The following FRAS1 variants were observed in gnomAD, a reference collection of about 807,000 sequenced individuals.
FRAS1 encodes the protein extracellular matrix organizing protein FRAS1.
A neutral mutation model predicts 435.2 loss-of-function variants in FRAS1; 290 were observed. The ratio of observed to expected loss-of-function variants is 0.67; its 90% CI spans 0.61 to 0.73. The LOEUF (loss-of-function observed/expected upper bound fraction) is 0.73, where lower values mean the gene tolerates loss of function less well. Among genes scored for constraint, FRAS1 ranks in the 30% least tolerant of loss-of-function variants. FRAS1 has a pLI of 0.00. For missense variants in FRAS1, 4,860 were observed against 5,001.5 expected (o/e 0.97, Z 0.85); for synonymous variants, 1,800 against 1,851.0 (o/e 0.97, Z 0.71).
At chr4:78,111,752 TAA>T (rs564909222) in intron 2 of FRAS1, among the ~76,000 whole-genome samples, 6,326 of 104,958 alleles carry the variant, frequency 0.06, 132 homozygotes, top group South Asian at 0.12. Context: ...TAGAGTATAA[TAA>T]AAAAAAAAAA....
intron 64 of FRAS1, among the ~76,000 whole-genome samples, chr4:78,512,613 G>A (rs1316559772): frequency 6.6e-6 from 1 of 152,204 alleles, no homozygotes; most frequent in Non-Finnish European, 1.5e-5. Context: ...GTGCCCTGGA[G>A]AAACAAAAGA....
chr4:78,075,865 A>C (rs148047031), intron 2 of FRAS1, among the ~76,000 whole-genome samples: 1 of 152,206 alleles, frequency 6.6e-6, no homozygotes, highest in Non-Finnish European at 1.5e-5. Context: ...AAGTAAACGC[A>C]TAAGTGGCAA....
intron 45 of FRAS1, among the ~76,000 whole-genome samples, chr4:78,451,483 G>A (rs577281627): frequency 6.6e-6 from 1 of 152,106 alleles, no homozygotes; most frequent in Non-Finnish European, 1.5e-5. Context: ...TTTTCATGAG[G>A]TGTCCTTAGA....
chr4:78,117,348 CTCTATATTTCCTACA>C (rs1457543993), intron 2 of FRAS1, among the ~76,000 whole-genome samples: 1 of 152,100 alleles, frequency 6.6e-6, no homozygotes, highest in Non-Finnish European at 1.5e-5. Context: ...TTGTGGCGTT[CTCTATATTTCCTACA>C]TTTGAATGTT....
At chr4:78,516,067 C>A in intron 66 of FRAS1, 54 bp downstream of exon 66, 2 of 1,399,420 alleles carry the variant, frequency 1.4e-6, no homozygotes, top group South Asian at 1.3e-5. Flanking sequence ...CATGGTCAAC[C>A]TTGTTTGTTC....
chr4:78,399,970 A>G (rs548304342), intron 29 of FRAS1, among the ~76,000 whole-genome samples: 4 of 152,224 alleles, frequency 2.6e-5, no homozygotes, highest in South Asian at 4.2e-4. Flanking sequence ...CATAGCTTCT[A>G]TCTTCTACTA....
intron 45 of FRAS1, 114 bp from the exon 46 acceptor site, chr4:78,451,658 G>C: frequency 1.4e-6 from 1 of 728,774 alleles, no homozygotes; most frequent in Non-Finnish European, 2.1e-6. Context: ...GTCAAAGCGA[G>C]GAAGGTGTGA....
chr4:78,095,934 C>T (rs916945796), intron 2 of FRAS1, among the ~76,000 whole-genome samples: 1 of 152,194 alleles, frequency 6.6e-6, no homozygotes, highest in Non-Finnish European at 1.5e-5. Flanking sequence ...TCTCAACAGT[C>T]CCCCAGAGTC....
chr4:78,129,249 G>T (rs1178250012), intron 2 of FRAS1, among the ~76,000 whole-genome samples: 2 of 152,214 alleles, frequency 1.3e-5, no homozygotes, highest in African/African-American at 4.8e-5. Flanking sequence ...CTCTTTTTTG[G>T]TTCCATATGA....
intron 30 of FRAS1, among the ~76,000 whole-genome samples, chr4:78,401,545 A>G (rs970907281): frequency 2.0e-5 from 3 of 152,208 alleles, no homozygotes; most frequent in South Asian, 2.1e-4. Flanking sequence ...GAATGTCTCA[A>G]TAACCCAGGG....
chr4:78,456,767 G>T (rs1014724277), intron 47 of FRAS1, among the ~76,000 whole-genome samples: 4 of 152,198 alleles, frequency 2.6e-5, no homozygotes, highest in East Asian at 1.9e-4. Context: ...AATGGGATAA[G>T]CCCTGAACCA....
chr4:78,285,771 G>A (rs954211806), intron 13 of FRAS1, among the ~76,000 whole-genome samples: 1 of 152,096 alleles, frequency 6.6e-6, no homozygotes, highest in Non-Finnish European at 1.5e-5. Flanking sequence ...AGTAATTCCA[G>A]TACCTTCCTC....
At chr4:78,420,439 A>G (rs1258675910) in intron 33 of FRAS1, among the ~76,000 whole-genome samples, 2 of 152,186 alleles carry the variant, frequency 1.3e-5, no homozygotes, top group Non-Finnish European at 2.9e-5. Context: ...CAAGCCTGAC[A>G]TGTGCCCTCC....
intron 38 of FRAS1, among the ~76,000 whole-genome samples, chr4:78,432,966 A>G (rs1239052270): frequency 6.6e-6 from 1 of 152,230 alleles, no homozygotes; most frequent in Non-Finnish European, 1.5e-5. Flanking sequence ...TATGTGATCA[A>G]TGACTAGTAG....
chr4:78,427,680 A>G (rs753953504), intron 35 of FRAS1, among the ~76,000 whole-genome samples: 2 of 152,214 alleles, frequency 1.3e-5, no homozygotes, highest in Non-Finnish European at 2.9e-5. Flanking sequence ...TGTCTGAATG[A>G]CCAGAGCCAT....
chr4:78,404,035 A>G (rs1180674776), intron 30 of FRAS1, among the ~76,000 whole-genome samples: 1 of 152,212 alleles, frequency 6.6e-6, no homozygotes, highest in Non-Finnish European at 1.5e-5. Context: ...CTTGATTAAT[A>G]CTTGTATCTG....
At chr4:78,369,770 A>T (rs1731424192) in intron 22 of FRAS1, 68 bp from the exon 23 acceptor site, 1 of 1,434,144 alleles carries the variant, frequency 7.0e-7, no homozygotes, top group Non-Finnish European at 9.5e-7. Flanking sequence ...ACATCTGTCT[A>T]GGTTTGATCA....
chr4:78,343,524 C>A (rs1730482159), intron 20 of FRAS1, among the ~76,000 whole-genome samples: 1 of 151,882 alleles, frequency 6.6e-6, no homozygotes, highest in Non-Finnish European at 1.5e-5. Flanking sequence ...GTTTGCCACC[C>A]TTTTGCCTGC....
chr4:78,419,315 A>G (rs939301237), intron 33 of FRAS1, among the ~76,000 whole-genome samples: 2 of 152,178 alleles, frequency 1.3e-5, no homozygotes, highest in Non-Finnish European at 2.9e-5. Context: ...CTGGATGGAG[A>G]ATGTACATGC....
Sources: gnomAD v4.1 joint callset for allele counts (sites outside exome capture counted in the v4.1 genomes callset) on GRCh38, gnomAD v4.1.1 for gene constraint, MANE v1.5 for transcripts, NCBI Gene and HGNC (gene_info 2026-07-23, HGNC 2026-07-21) for gene names.